ZBTB7C: variants seen among roughly 807,000 people sequenced by gnomAD.
ZBTB7C encodes zinc finger and BTB domain-containing protein 7C.
In ZBTB7C, 8 loss-of-function variants were observed where a neutral mutation model predicts 25.7. The ratio of observed to expected loss-of-function variants is 0.31; its 90% CI spans 0.18 to 0.56. The LOEUF is 0.56. Among genes scored for constraint, ZBTB7C ranks in the 20% least tolerant of loss-of-function variants. ZBTB7C has a pLI of 0.91. For missense variants in ZBTB7C, 824 were observed against 855.2 expected (o/e 0.96, Z 0.46); for synonymous variants, 394 against 369.0 (o/e 1.07, Z -0.78).
chr18:48,040,708 C>A lies in ZBTB7C; in HGVS notation c.400G>T (p.Gly134Trp). The change falls in exon 4 of 5, where the codon GGG (glycine) becomes TGG (tryptophan). Residue 134 changes from glycine to tryptophan, a missense_variant. This residue lies in a region of ZBTB7C where 316 missense variants were observed against 299.2 expected (regional missense o/e 1.06). Transcript: ENST00000590800. ...TCGTCCTCCTTGTCATCCTCCTCCCCCCCGTCCCCCCCAGGCTCCATGATC... is the reference window on the plus strand; with the variant it reads ...TCGTCCTCCTTGTCATCCTCCTCCCACCCGTCCCCCCCAGGCTCCATGATC... The part of the protein sequence containing the change: ...LEIMEPGGDG[G>W]EEDDKEDDDD... The A allele has an allele frequency of 6.2e-7, 1 of 1,613,924 alleles. No homozygotes were observed. Among genetic ancestry groups the A allele is most frequent in the Non-Finnish European group, 8.5e-7 (1 of 1,179,936 alleles).
At position 48,038,406 on chromosome 18, in the gene ZBTB7C, A is replaced by G. The variant is rs181742912; in HGVS notation, c.1208+1494T>C. On this transcript the variant is annotated intron_variant, in intron 4 of 4. Transcript: ENST00000590800. ...TTGGAAATAATCAGTGTTTCCTTCA[A>G]AACAGTCCCCTGAGGAGCCTGCAGA... Among the ~76,000 whole-genome samples the G allele has an allele frequency of 2.4e-3, 364 of 152,230 alleles. 2 individuals carry two copies. The highest frequency in any genetic ancestry group is 4.3e-3 in the Non-Finnish European group (291 of 67,998).
chr18:48,172,579 G>A (rs943060855), intron 3 of ZBTB7C, among the ~76,000 whole-genome samples: 1 of 152,262 alleles, frequency 6.6e-6, no homozygotes, highest in South Asian at 2.1e-4. Context: ...CCGCCACATC[G>A]TTGCACACTT....
chr18:48,174,410 G>C (rs754301662), intron 3 of ZBTB7C, among the ~76,000 whole-genome samples: 4 of 152,248 alleles, frequency 2.6e-5, no homozygotes, highest in Non-Finnish European at 5.9e-5. Context: ...TTACCAGTGA[G>C]ATTGGCAAGA....
intron 1 of ZBTB7C, among the ~76,000 whole-genome samples, chr18:48,353,689 T>C (rs1204934456): frequency 6.6e-6 from 1 of 152,148 alleles, no homozygotes; most frequent in African/African-American, 2.4e-5. Flanking sequence ...GGCAATCCTT[T>C]GTGACAGCAT....
intron 3 of ZBTB7C, among the ~76,000 whole-genome samples, chr18:48,118,108 C>T (rs1036653300): frequency 9.9e-5 from 15 of 151,432 alleles, no homozygotes; most frequent in Admixed American, 2.6e-4. Context: ...CCGGTTCAAG[C>T]GATTCCCCTG....
intron 2 of ZBTB7C, among the ~76,000 whole-genome samples, chr18:48,265,388 C>G (rs573146855): frequency 1.2e-4 from 18 of 152,304 alleles, no homozygotes; most frequent in African/African-American, 4.3e-4. Context: ...TCAATATGTT[C>G]AGCAATTCTG....
At chr18:48,291,483 G>A (rs1317241058) in intron 2 of ZBTB7C, among the ~76,000 whole-genome samples, 1 of 152,198 alleles carries the variant, frequency 6.6e-6, no homozygotes, top group Non-Finnish European at 1.5e-5. Flanking sequence ...GAGCAAAGCA[G>A]CAAAGGAGAA....
chr18:48,264,161 G>A (rs985243539), intron 2 of ZBTB7C, among the ~76,000 whole-genome samples: 1 of 152,206 alleles, frequency 6.6e-6, no homozygotes, highest in Admixed American at 6.5e-5. Context: ...GTGCGTGGGT[G>A]ACATCTCTAC....
intron 3 of ZBTB7C, chr18:48,137,294 T>G (rs1406274551): frequency 1.0e-6 from 1 of 985,480 alleles, no homozygotes; most frequent in African/African-American, 1.7e-5. Flanking sequence ...TACGCTTCAC[T>G]TTATGACACC....
rs552692794 is a variant in ZBTB7C at position 48,047,273 on chromosome 18, G to A, written c.-16-6150C>T. Among the ~76,000 whole-genome samples the A allele has an allele frequency of 2.0e-5, 3 of 152,176 alleles. No homozygotes were observed. In the South Asian group the frequency reaches 6.2e-4, roughly 32 times the overall value. On this transcript the variant is annotated intron_variant, in intron 3 of 4. Transcript: ENST00000590800. ...CTGCCCCCATGCCTTCCATCCCTTTGCCTCCCATCTTCTAAGCTAAGGCAG... is the reference window on the plus strand; with the variant it reads ...CTGCCCCCATGCCTTCCATCCCTTTACCTCCCATCTTCTAAGCTAAGGCAG...
chr18:48,091,798 T>C (rs1407360995), intron 3 of ZBTB7C, among the ~76,000 whole-genome samples: 3 of 152,296 alleles, frequency 2.0e-5, no homozygotes, highest in Non-Finnish European at 2.9e-5. Flanking sequence ...CTGTGGGTCC[T>C]TAAGAAAGGT....
chr18:48,040,147 G>A lies in ZBTB7C; in HGVS notation c.961C>T (p.Pro321Ser). 1.9e-6 allele frequency: 3 copies of A among 1,580,476 alleles called. No individual in the cohort carries two copies. Among genetic ancestry groups the A allele is most frequent in the Non-Finnish European group, 2.6e-6 (3 of 1,163,516 alleles). ...TTCTCCGCCTTGATGGGTCCCAGAGGCCCCCCCGGCAGGTCAGGGAACATG... is the reference window on the plus strand; with the variant it reads ...TTCTCCGCCTTGATGGGTCCCAGAGACCCCCCCGGCAGGTCAGGGAACATG... ...KDMFPDLPGG[P>S]LGPIKAENDY... The change falls in exon 4 of 5, where the codon CCT becomes TCT. Residue 321 changes from proline (P) to serine (S), a missense_variant. This residue lies in a region of ZBTB7C where 316 missense variants were observed against 299.2 expected (regional missense o/e 1.06). Transcript: ENST00000590800.
At chr18:48,230,241 C>A (rs2043216550) in intron 2 of ZBTB7C, among the ~76,000 whole-genome samples, 2 of 152,226 alleles carry the variant, frequency 1.3e-5, no homozygotes. Flanking sequence ...CTCTCCCCAA[C>A]ACAGCAAGGT....
intron 2 of ZBTB7C, among the ~76,000 whole-genome samples, chr18:48,306,465 TC>T (rs1194804193): frequency 6.6e-6 from 1 of 152,240 alleles, no homozygotes; most frequent in Non-Finnish European, 1.5e-5. Context: ...TGCAACCATA[TC>T]ACCGCTAGTC....
At chr18:48,397,582 C>T (rs559030753) in intron 1 of ZBTB7C, among the ~76,000 whole-genome samples, 1 of 152,260 alleles carries the variant, frequency 6.6e-6, no homozygotes, top group South Asian at 2.1e-4. Flanking sequence ...TGAGAATGAG[C>T]GGCTATGTCA....
intron 2 of ZBTB7C, among the ~76,000 whole-genome samples, chr18:48,287,229 G>A (rs1051130701): frequency 3.3e-5 from 5 of 152,124 alleles, no homozygotes; most frequent in African/African-American, 1.2e-4. Flanking sequence ...ACTTAGTACT[G>A]AATGATAATG....
At chr18:48,405,064 C>A (rs1392551185) in intron 1 of ZBTB7C, among the ~76,000 whole-genome samples, 1 of 152,202 alleles carries the variant, frequency 6.6e-6, no homozygotes, top group East Asian at 1.9e-4. Context: ...AAGGGTTAAA[C>A]AGAAAGACAA....
At chr18:48,338,578 C>G (rs1045301796) in intron 1 of ZBTB7C, among the ~76,000 whole-genome samples, 180 bp from the exon 2 acceptor site, 1 of 152,114 alleles carries the variant, frequency 6.6e-6, no homozygotes, top group Non-Finnish European at 1.5e-5. Context: ...TCCTGCCCAC[C>G]AACCCAGGCC....
At chr18:48,300,212 C>T (rs2045508708) in intron 2 of ZBTB7C, among the ~76,000 whole-genome samples, 1 of 152,138 alleles carries the variant, frequency 6.6e-6, no homozygotes, top group African/African-American at 2.4e-5. Flanking sequence ...GGGTGGGGTG[C>T]AAGCATCAGT....
Sources: gnomAD v4.1 joint callset for allele counts (sites outside exome capture counted in the v4.1 genomes callset) on GRCh38, gnomAD v4.1.1 for gene constraint, gnomAD v4.1.1 regional missense constraint, MANE v1.5 for transcripts, NCBI Gene and HGNC (gene_info 2026-07-23, HGNC 2026-07-21) for gene names.